Variants in GAA observed in about 807,000 individuals in gnomAD.
GAA encodes the protein alpha glucosidase, also known as lysosomal alpha-glucosidase.
Under a neutral mutation model 103.9 loss-of-function variants are expected in GAA, and 88 were observed. The ratio of observed to expected loss-of-function variants is 0.85; its 90% CI spans 0.71 to 1.01. GAA has a LOEUF of 1.01. Among genes scored for constraint, GAA ranks in the 50% least tolerant of loss-of-function variants. The pLI is 0.00. For synonymous variants in GAA, 572 were observed against 563.1 expected (o/e 1.02, Z -0.22); for missense variants, 1,350 against 1,305.3 (o/e 1.03, Z -0.53).
intron 11 of GAA, 106 bp downstream of exon 11, chr17:80,111,131 G>A (rs375611167): frequency 1.2e-5 from 12 of 1,014,944 alleles, no homozygotes; most frequent in Non-Finnish European, 1.7e-5. Flanking sequence ...ATGGGCCAGC[G>A]GGGAAAGGGG....
chr17:80,114,438 T>TA (rs1491507158), intron 15 of GAA, among the ~76,000 whole-genome samples: 1 of 148,064 alleles, frequency 6.8e-6, no homozygotes, highest in South Asian at 2.1e-4. Flanking sequence ...TTTTTTTTTT[T>TA]AGTGGTTGCC....
intron 11 of GAA, among the ~76,000 whole-genome samples, chr17:80,111,500 G>T (rs1443852330): frequency 1.3e-5 from 2 of 152,236 alleles, no homozygotes; most frequent in African/African-American, 4.8e-5. Context: ...AGGCCAGGGT[G>T]ACCAGACATC....
At chr17:80,108,666 C>T (rs774990306) in intron 7 of GAA, 31 bp from the exon 8 acceptor site, 2 of 1,612,656 alleles carry the variant, frequency 1.2e-6, no homozygotes, top group African/African-American at 2.7e-5. Context: ...CTCCTCAGGC[C>T]CCAGCAGACG....
At chr17:80,113,071 C>T (rs756989463) in intron 14 of GAA, 44 bp downstream of exon 14, 80 of 1,572,260 alleles carry the variant, frequency 5.1e-5, no homozygotes, top group Non-Finnish European at 6.9e-5. Context: ...ATCCCACCCA[C>T]CCAAGACTCT....
rs2039019674 is a variant in GAA at position 80,104,433 on chromosome 17, C to A, written c.-32-122C>A. The A allele has an allele frequency of 1.4e-6, 1 of 699,922 alleles. No individual in the cohort carries two copies. The highest frequency in any genetic ancestry group is 2.4e-6 in the Non-Finnish European group (1 of 425,298). The allele number at this position is 699,922 out of a possible 1,614,324, so 43.4% of individuals were successfully genotyped here. ...AGCAGGGCAACACCCACCCTGGCCA[C>A]CTTACCCCACCTGCCTGGGTGCTGC... On this transcript the variant is annotated intron_variant, in intron 1 of 19. Transcript: ENST00000302262. The surrounding 1 kb of genome is among the most constrained non-coding windows in gnomAD (Gnocchi z 4.0).
intron 19 of GAA, 22 bp downstream of exon 19, chr17:80,118,827 C>T (rs771914046): frequency 1.2e-6 from 2 of 1,612,020 alleles, no homozygotes; most frequent in South Asian, 2.2e-5. Flanking sequence ...CAGAGTGGCA[C>T]AGGGATCGCG....
Position 80,104,471 on chromosome 17 carries a change from G to C in GAA, c.-32-84G>C. The C allele has an allele frequency of 9.9e-7, 1 of 1,012,714 alleles. No homozygotes were observed. The highest frequency in any genetic ancestry group is 1.4e-6 in the Non-Finnish European group (1 of 705,410). 62.7% of individuals were successfully genotyped at this position (1,012,714 alleles called of 1,614,324 possible). ...GCCTGGGTGCTGCAGTGCCAGCCGC[G>C]GTTGATGTCTCAGAGCTGCTTTGAG... On this transcript the variant is annotated intron_variant, in intron 1 of 19. Coordinates refer to ENST00000302262, the MANE Select transcript of GAA (RefSeq NM_000152.5). This position sits in a 1 kb window ranked among gnomAD's most constrained non-coding sequence, Gnocchi z 4.0.
rs188558117 is a variant in GAA at position 80,105,571 on chromosome 17, C to T, written c.547-178C>T. ...TATTTTACCTCCATCCTGGGGGAGG[C>T]GTCCTCCTCCTGGCTCTGCAGATGA... On this transcript the variant is annotated intron_variant, in intron 2 of 19. Coordinates refer to ENST00000302262, the MANE Select transcript of GAA (RefSeq NM_000152.5). Among the ~76,000 whole-genome samples, 13 of 152,270 alleles carry T rather than the reference C, an allele frequency of 8.5e-5. No homozygotes were observed. In the East Asian group the frequency reaches 2.5e-3, roughly 29 times the overall value.
At chr17:80,107,477 C>G in intron 3 of GAA, 80 bp from the exon 4 acceptor site, 1 of 1,587,050 alleles carries the variant, frequency 6.3e-7, no homozygotes, top group Non-Finnish European at 8.6e-7. Context: ...GGCACCAGGG[C>G]CCGGGGGTGC....
intron 8 of GAA, among the ~76,000 whole-genome samples, chr17:80,109,658 GAA>G (rs2039182020): frequency 6.6e-6 from 1 of 152,110 alleles, no homozygotes; most frequent in Non-Finnish European, 1.5e-5. Context: ...AATTATAAAA[GAA>G]AAGTGATTAC....
Position 80,112,658 on chromosome 17 carries a change from A to C in GAA, c.1835A>C (p.His612Pro), listed in dbSNP as rs760546238. The C allele has an allele frequency of 6.2e-7, 1 of 1,612,658 alleles. No homozygotes were observed. The highest frequency in any genetic ancestry group is 8.5e-7 in the Non-Finnish European group (1 of 1,179,858). The change falls in exon 13 of 20, where the codon CAC becomes CCC. Residue 612 changes from histidine to proline, a missense_variant. Transcript: ENST00000302262. ...TFAGHGRYAG[H>P]WTGDVWSSWE... ...GCTGGCCACGGCCGATACGCCGGCC[A>C]CTGGACGGGGGACGTGTGGAGCTCC...
chr17:80,119,440 GGA>G lies in GAA; in HGVS notation c.*111_*112del. ...GGCCTGGGGGTTGCATGTGTCACCT[GGA>G]GCTGGGCACTAACCATTCCAAGCCG... is the stretch of plus-strand genomic sequence containing the variant. On this transcript the variant is annotated 3_prime_UTR_variant, in exon 20 of 20. Coordinates refer to ENST00000302262, the MANE Select transcript of GAA (RefSeq NM_000152.5). 1.1e-6 allele frequency: 1 copy of G among 936,456 alleles called. No individual in the cohort carries two copies. The highest frequency in any genetic ancestry group is 1.8e-5 in the Admixed American group (1 of 55,650). 58.0% of individuals were successfully genotyped at this position (936,456 alleles called of 1,614,324 possible).
At chr17:80,111,047 C>G (rs746731055) in intron 11 of GAA, 22 bp downstream of exon 11, 12 of 1,608,298 alleles carry the variant, frequency 7.5e-6, no homozygotes, top group Non-Finnish European at 1.0e-5. Context: ...CCCCACCTAC[C>G]CTGGGGACTT....
chr17:80,118,223 CAG>C lies in GAA; in HGVS notation c.2513_2514del (p.Gln838ProfsTer45). 1 of 1,613,222 alleles carries C rather than the reference CAG, an allele frequency of 6.2e-7. No individual in the cohort carries two copies. The highest frequency in any genetic ancestry group is 8.5e-7 in the Non-Finnish European group (1 of 1,179,856). On this transcript the variant is annotated frameshift_variant, in exon 18 of 20. Coordinates refer to ENST00000302262, the MANE Select transcript of GAA (RefSeq NM_000152.5). LOFTEE classifies it high-confidence loss of function. ...GPGLTTTESR[Q>X]QPMALAVALT... ...TGGCCTCACAACCACAGAGTCCCGCCAGCAGCCCATGGCCCTGGCTGTGGCCC... is the reference window on the plus strand; with the variant it reads ...TGGCCTCACAACCACAGAGTCCCGCCCAGCCCATGGCCCTGGCTGTGGCCC...
Position 80,112,580 on chromosome 17 carries a change from C to T in GAA, c.1757C>T (p.Ala586Val), listed in dbSNP as rs770021831. The change falls in exon 13 of 20, where the codon GCG becomes GTG. Residue 586 changes from alanine to valine, a missense_variant and splice_region_variant. Physicochemically the swap from Ala to Val is moderately conservative, Grantham distance 64 (BLOSUM62 0). Transcript: ENST00000302262. ...CACGGTGTCCCCCACCACCCCAGGG[C>T]GCTGGTGAAGGCTCGGGGGACACGC... ...GLTEAIASHRALVKARGTRPF... is the reference protein window; with the variant it reads ...GLTEAIASHRVLVKARGTRPF... The T allele has an allele frequency of 2.7e-5, 44 of 1,613,012 alleles. No individual in the cohort carries two copies. The highest frequency in any genetic ancestry group is 1.8e-4 in the East Asian group (8 of 44,878).
intron 15 of GAA, 36 bp downstream of exon 15, chr17:80,113,402 G>A: frequency 4.0e-6 from 6 of 1,506,016 alleles, no homozygotes; most frequent in Non-Finnish European, 5.4e-6. Flanking sequence ...GCCCATGTGT[G>A]CCCTGGGGGA....
At chr17:80,114,131 A>G (rs1317866713) in intron 15 of GAA, among the ~76,000 whole-genome samples, 3 of 151,588 alleles carry the variant, frequency 2.0e-5, no homozygotes, top group Admixed American at 6.6e-5. Flanking sequence ...ACCATAGCAG[A>G]AAAAAAAATG....
chr17:80,111,280 C>T (rs1205177667), intron 11 of GAA, among the ~76,000 whole-genome samples: 2 of 152,212 alleles, frequency 1.3e-5, no homozygotes, highest in African/African-American at 2.4e-5. Context: ...GAGGCCGACT[C>T]GACTCAGAGC....
chr17:80,113,597 A>G (rs1337370757), intron 15 of GAA, among the ~76,000 whole-genome samples: 2 of 152,246 alleles, frequency 1.3e-5, no homozygotes, highest in Non-Finnish European at 2.9e-5. Context: ...AGCCCTGCAC[A>G]TCAGTGTGTT....
Sources: gnomAD v4.1 joint callset for allele counts (sites outside exome capture counted in the v4.1 genomes callset) on GRCh38, gnomAD v4.1.1 for gene constraint, Gnocchi (gnomAD v3.1) non-coding constraint, MANE v1.5 for transcripts, NCBI Gene and HGNC (gene_info 2026-07-23, HGNC 2026-07-21) for gene names.